The following CADM1 variants were observed in gnomAD, a reference collection of about 807,000 sequenced individuals.
CADM1 encodes TSLC-1.
CADM1 carries 15 observed loss-of-function variants against 53.1 expected under a neutral mutation model. The observed-to-expected ratio is 0.28, with a 90% CI of 0.19 to 0.44. CADM1 has a LOEUF of 0.44. Ranked by LOEUF, CADM1 falls within the 20% of genes least tolerant of loss-of-function variation. The probability of loss-of-function intolerance (pLI) is 1.00; values close to 1 mark genes in which losing one functional copy is unlikely to be tolerated. For synonymous variants in CADM1, 281 were observed against 243.0 expected (o/e 1.16, Z -1.45); for missense variants, 434 against 611.3 (o/e 0.71, Z 3.06).
intron 1 of CADM1, among the ~76,000 whole-genome samples, chr11:115,251,340 A>G (rs1404381748): frequency 1.3e-5 from 2 of 151,790 alleles, no homozygotes; most frequent in African/African-American, 4.8e-5. Flanking sequence ...TTCCAAATTT[A>G]AAGCTTAGAG....
intron 1 of CADM1, among the ~76,000 whole-genome samples, chr11:115,482,996 T>C (rs1030781541): frequency 2.2e-4 from 34 of 152,368 alleles, no homozygotes; most frequent in African/African-American, 7.2e-4. Flanking sequence ...AATTATTTCA[T>C]ACTTTTCCCT....
intron 3 of CADM1, among the ~76,000 whole-genome samples, chr11:115,238,151 A>T (rs931467817): frequency 6.6e-6 from 1 of 152,202 alleles, no homozygotes; most frequent in African/African-American, 2.4e-5. Context: ...TAGATTTGGT[A>T]GCCCATCTCC....
intron 1 of CADM1, among the ~76,000 whole-genome samples, chr11:115,424,107 C>T (rs1158681234): frequency 6.6e-6 from 1 of 152,178 alleles, no homozygotes; most frequent in Non-Finnish European, 1.5e-5. Flanking sequence ...GCTGACATAT[C>T]GAGGTGGGGA....
At chr11:115,270,685 C>T (rs1052298661) in intron 1 of CADM1, among the ~76,000 whole-genome samples, 6 of 152,174 alleles carry the variant, frequency 3.9e-5, no homozygotes, top group Admixed American at 2.0e-4. Context: ...AATGGGCATT[C>T]TTATCTCCCT....
intron 1 of CADM1, among the ~76,000 whole-genome samples, chr11:115,305,595 G>A (rs1296617862): frequency 6.6e-6 from 1 of 151,870 alleles, no homozygotes; most frequent in East Asian, 1.9e-4. Context: ...CAATGAAAGA[G>A]GCATTCTTTA....
chr11:115,179,657 T>TA (rs940799484), intron 10 of CADM1, among the ~76,000 whole-genome samples: 25 of 152,146 alleles, frequency 1.6e-4, no homozygotes, highest in African/African-American at 5.8e-4. Flanking sequence ...TATAATGTAG[T>TA]AAAAAACAAT....
At chr11:115,388,183 A>G (rs754191040) in intron 1 of CADM1, among the ~76,000 whole-genome samples, 1 of 152,196 alleles carries the variant, frequency 6.6e-6, no homozygotes, top group African/African-American at 2.4e-5. Context: ...CTATAAGTCA[A>G]TACGACTGAC....
intron 1 of CADM1, among the ~76,000 whole-genome samples, chr11:115,367,456 A>G (rs1306846932): frequency 1.3e-5 from 2 of 152,170 alleles, no homozygotes; most frequent in Non-Finnish European, 2.9e-5. Flanking sequence ...TCTCTTTAAC[A>G]TGTGCTTTTT....
chr11:115,386,967 A>G (rs1483867893), intron 1 of CADM1, among the ~76,000 whole-genome samples: 1 of 152,198 alleles, frequency 6.6e-6, no homozygotes, highest in Non-Finnish European at 1.5e-5. Flanking sequence ...AAAATATAAA[A>G]ACAACAACAA....
At chr11:115,333,501 T>C (rs1484019498) in intron 1 of CADM1, 2 of 152,204 alleles carry the variant, frequency 1.3e-5, no homozygotes, top group East Asian at 3.9e-4. Flanking sequence ...TTGGAGAGTC[T>C]GATAAAAGCT....
intron 1 of CADM1, among the ~76,000 whole-genome samples, chr11:115,329,799 C>G (rs1220690075): frequency 1.3e-5 from 2 of 151,830 alleles, no homozygotes; most frequent in Admixed American, 1.3e-4. Flanking sequence ...TGGCTCTCAG[C>G]AGGATGGATA....
intron 1 of CADM1, among the ~76,000 whole-genome samples, chr11:115,497,316 GA>G (rs949858356): frequency 1.3e-5 from 2 of 152,046 alleles, no homozygotes; most frequent in African/African-American, 2.4e-5. Context: ...TCTACTAAAA[GA>G]AAAAATTTCT....
intron 1 of CADM1, among the ~76,000 whole-genome samples, chr11:115,338,877 A>ATTTTTTTTTTTTTTATTTTTTTTTTTTT (rs56300408): frequency 1.6e-5 from 2 of 127,736 alleles, no homozygotes; most frequent in African/African-American, 2.9e-5. Context: ...TATTTTTTTT[A>ATTTTTTTTTTTTTTATTTTTTTTTTTTT]TTTTTTTTTT....
intron 1 of CADM1, among the ~76,000 whole-genome samples, chr11:115,412,389 T>A (rs1195750165): frequency 1.3e-5 from 2 of 152,124 alleles, no homozygotes; most frequent in Non-Finnish European, 2.9e-5. Flanking sequence ...AGAGATAGGA[T>A]CTTGCTATGT....
chr11:115,215,880 A>G (rs1941160636), intron 6 of CADM1, among the ~76,000 whole-genome samples: 1 of 152,222 alleles, frequency 6.6e-6, no homozygotes, highest in African/African-American at 2.4e-5. Flanking sequence ...CAAGAGACCC[A>G]TGCTTAATGA....
rs35738559 is a variant in CADM1, at chr11:115,476,369, C to CAT, written c.124+27900_124+27901dup. On this transcript the variant is annotated intron_variant, in intron 1 of 11. Coordinates refer to ENST00000331581, the MANE Select transcript of CADM1 (RefSeq NM_001301043.2). ...AGACCAGATAATCCACGATCATTTCCATGTGGTTTGTAACTATACTAGAAT... is the reference window on the plus strand; with the variant it reads ...AGACCAGATAATCCACGATCATTTCCATATGTGGTTTGTAACTATACTAGAAT... Among the ~76,000 whole-genome samples, 657 of 152,214 alleles carry CAT rather than the reference C, an allele frequency of 4.3e-3. 4 individuals are homozygous for CAT. The highest frequency in any genetic ancestry group is 0.015 in the African/African-American group (603 of 41,530).
intron 1 of CADM1, among the ~76,000 whole-genome samples, chr11:115,424,094 T>G (rs552557906): frequency 6.6e-6 from 1 of 152,336 alleles, no homozygotes; most frequent in East Asian, 1.9e-4. Context: ...TCCTGCTTCT[T>G]GAGCTGACAT....
At chr11:115,212,864 G>A (rs1469104510) in intron 7 of CADM1, among the ~76,000 whole-genome samples, 3 of 152,136 alleles carry the variant, frequency 2.0e-5, no homozygotes, top group Admixed American at 1.3e-4. Flanking sequence ...ACCATGCTTG[G>A]AAAATCGTTA....
At chr11:115,384,062 G>T (rs1173251367) in intron 1 of CADM1, among the ~76,000 whole-genome samples, 1 of 152,138 alleles carries the variant, frequency 6.6e-6, no homozygotes, top group Non-Finnish European at 1.5e-5. Context: ...CATCAATATG[G>T]CTATTCTACC....
Sources: gnomAD v4.1 joint callset for allele counts (sites outside exome capture counted in the v4.1 genomes callset) on GRCh38, gnomAD v4.1.1 for gene constraint, MANE v1.5 for transcripts, NCBI Gene and HGNC (gene_info 2026-07-23, HGNC 2026-07-21) for gene names.